The following SHROOM4 variants were observed in gnomAD, a reference collection of about 807,000 sequenced individuals.
SHROOM4 encodes the protein protein Shroom4.
A neutral mutation model predicts 80.3 loss-of-function variants in SHROOM4; 17 were observed. The observed-to-expected ratio is 0.21, with a 90% CI of 0.14 to 0.32. The LOEUF is 0.32. SHROOM4 is among the 10% of genes least tolerant of loss of function. The pLI is 1.00. For synonymous variants in SHROOM4, 400 were observed against 437.5 expected (o/e 0.91, Z 1.07); for missense variants, 993 against 1,140.3 (o/e 0.87, Z 1.86).
Position 50,587,087 on chromosome X carries a change from C to T in SHROOM4, c.*9608G>A, listed in dbSNP as rs1928771881. ...ACATCCTCATTTCTTCCACCTCCAT[C>T]CCCCTGTGTGTTTGACTTTTTTAGC... On this transcript the variant is annotated 3_prime_UTR_variant, in exon 9 of 9. Transcript: ENST00000376020. Among the ~76,000 whole-genome samples, 1 of 111,878 alleles carries T rather than the reference C, an allele frequency of 8.9e-6. No homozygotes were observed. The highest frequency in any genetic ancestry group is 1.9e-5 in the Non-Finnish European group (1 of 53,149).
At chrX:50,780,937 G>A (rs567890061) in intron 1 of SHROOM4, among the ~76,000 whole-genome samples, 2 of 111,393 alleles carry the variant, frequency 1.8e-5, no homozygotes, top group East Asian at 2.8e-4. Context: ...AAGCTGGGGG[G>A]AAAGCCAGTG....
At chrX:50,690,013 G>A (rs1933181102) in intron 2 of SHROOM4, among the ~76,000 whole-genome samples, 2 of 111,720 alleles carry the variant, frequency 1.8e-5, no homozygotes, top group Admixed American at 9.5e-5. Flanking sequence ...AGAATTAAAC[G>A]TGGCTATTTC....
At chrX:50,676,517 G>T (rs1932856507) in intron 2 of SHROOM4, among the ~76,000 whole-genome samples, 1 of 110,677 alleles carries the variant, frequency 9.0e-6, no homozygotes, top group Non-Finnish European at 1.9e-5. Flanking sequence ...CTATTTCTAA[G>T]GGCTTGAAAA....
At chrX:50,750,832 T>G (rs1484488607) in intron 1 of SHROOM4, among the ~76,000 whole-genome samples, 1 of 112,083 alleles carries the variant, frequency 8.9e-6, no homozygotes, top group Non-Finnish European at 1.9e-5. Flanking sequence ...AGTAGTACAG[T>G]GCTGGGCATT....
intron 1 of SHROOM4, among the ~76,000 whole-genome samples, chrX:50,786,880 T>C (rs1232997491): frequency 9.0e-6 from 1 of 111,046 alleles, no homozygotes; most frequent in East Asian, 2.8e-4. Context: ...GAACAACACA[T>C]GAACAAAGTA....
At chrX:50,612,889 T>A (rs782567030) in intron 5 of SHROOM4, among the ~76,000 whole-genome samples, 1 of 111,083 alleles carries the variant, frequency 9.0e-6, no homozygotes, top group Non-Finnish European at 1.9e-5. Flanking sequence ...ACCATCATTA[T>A]CATCAGACTT....
At chrX:50,772,915 G>A in intron 1 of SHROOM4, among the ~76,000 whole-genome samples, 1 of 112,070 alleles carries the variant, frequency 8.9e-6, no homozygotes. Context: ...ATTCACCTGA[G>A]AGGCTTACTT....
At position 50,607,531 on chromosome X, in the gene SHROOM4, T is replaced by C. The variant is rs148721221; in HGVS notation, c.3611A>G (p.Glu1204Gly). 1.5e-3 allele frequency: 1,776 copies of C among 1,209,350 alleles called. 19 individuals are homozygous for C. The highest frequency in any genetic ancestry group is 2.1e-3 in the Middle Eastern group (9 of 4,350). Reference sequence around the variant, plus strand: ...GGAATGGAGTGCAAAGGATTCTTGCTCTGCTGGGACACTTTGTGAACCCTG... The same window carrying C: ...GGAATGGAGTGCAAAGGATTCTTGCCCTGCTGGGACACTTTGTGAACCCTG... ...SRQGSQSVPAEQESFALHSSD... is the reference protein window; with the variant it reads ...SRQGSQSVPAGQESFALHSSD... The change falls in exon 6 of 9, where the codon GAG becomes GGG. Residue 1204 changes from glutamate (E) to glycine (G), a missense_variant. Physicochemically the swap from Glu to Gly is moderately conservative, Grantham distance 98. Transcript: ENST00000376020.
intron 1 of SHROOM4, among the ~76,000 whole-genome samples, chrX:50,739,512 G>T (rs1934594607): frequency 9.0e-6 from 1 of 111,325 alleles, no homozygotes; most frequent in Admixed American, 9.6e-5. Context: ...CCATCAAAAA[G>T]TGGGTGAAGG....
intron 1 of SHROOM4, among the ~76,000 whole-genome samples, chrX:50,730,202 C>A (rs959807352): frequency 9.0e-6 from 1 of 111,097 alleles, no homozygotes; most frequent in Non-Finnish European, 1.9e-5. Flanking sequence ...CCGAGGCGGG[C>A]GGATCACCTG....
intron 1 of SHROOM4, among the ~76,000 whole-genome samples, chrX:50,791,353 T>C (rs782441572): frequency 2.7e-5 from 3 of 110,906 alleles, no homozygotes; most frequent in Non-Finnish European, 1.9e-5. Flanking sequence ...GCAAGACTTA[T>C]TGTTAAAATG....
chrX:50,661,386 C>T (rs782587345), intron 2 of SHROOM4, among the ~76,000 whole-genome samples: 19 of 110,863 alleles, frequency 1.7e-4, no homozygotes, highest in South Asian at 7.8e-4. Context: ...TTTGTAGAGA[C>T]GGGGTTTTGC....
chrX:50,596,564 G>T lies in SHROOM4; in HGVS notation c.*131C>A. On this transcript the variant is annotated 3_prime_UTR_variant, in exon 9 of 9. Transcript: ENST00000376020. ...ACCACTGCTAGGGAAGGGGTAGTGA[G>T]AGACATCCAGGGTAGAGGGCTGGAA... is the stretch of plus-strand genomic sequence containing the variant. 2.2e-6 allele frequency: 2 copies of T among 907,870 alleles called. No homozygotes were observed. The highest frequency in any genetic ancestry group is 3.1e-6 in the Non-Finnish European group (2 of 643,505). 74.8% of individuals were successfully genotyped at this position (907,870 alleles called of 1,213,427 possible). A position where few individuals can be genotyped will look rare whatever the true frequency, so the allele number is the denominator to read the frequency against.
At chrX:50,791,246 G>A (rs1341750876) in intron 1 of SHROOM4, among the ~76,000 whole-genome samples, 4 of 111,427 alleles carry the variant, frequency 3.6e-5, no homozygotes, top group African/African-American at 1.3e-4. Flanking sequence ...AGGAATAAAT[G>A]TAACTAAGAA....
intron 1 of SHROOM4, among the ~76,000 whole-genome samples, chrX:50,811,091 T>A (rs1557273401): frequency 9.0e-6 from 1 of 111,173 alleles, no homozygotes; most frequent in African/African-American, 3.3e-5. Context: ...GCAGGCAGAT[T>A]GTTTGAAGGA....
chrX:50,810,581 T>C (rs1459302040), intron 1 of SHROOM4, among the ~76,000 whole-genome samples: 2 of 111,580 alleles, frequency 1.8e-5, no homozygotes, highest in Non-Finnish European at 3.8e-5. Context: ...AAATAGTCCT[T>C]TCCTACTCTG....
chrX:50,798,325 C>T (rs1557272288), intron 1 of SHROOM4, among the ~76,000 whole-genome samples: 2 of 111,736 alleles, frequency 1.8e-5, no homozygotes, highest in African/African-American at 6.5e-5. Flanking sequence ...GGAATAGGGA[C>T]ACTACTAAGT....
chrX:50,670,351 C>A (rs1557260712), intron 2 of SHROOM4, among the ~76,000 whole-genome samples: 1 of 107,919 alleles, frequency 9.3e-6, no homozygotes, highest in Non-Finnish European at 1.9e-5. Context: ...TGAGTGAGAA[C>A]ATATGGTGTT....
At chrX:50,758,840 A>G (rs1379516071) in intron 1 of SHROOM4, among the ~76,000 whole-genome samples, 1 of 111,959 alleles carries the variant, frequency 8.9e-6, no homozygotes, top group Admixed American at 9.5e-5. Flanking sequence ...TTCAATCTTC[A>G]TACTTGTCTG....
Sources: gnomAD v4.1 joint callset for allele counts (sites outside exome capture counted in the v4.1 genomes callset) on GRCh38, gnomAD v4.1.1 for gene constraint, MANE v1.5 for transcripts, NCBI Gene and HGNC (gene_info 2026-07-23, HGNC 2026-07-21) for gene names.